MSRA: variants seen among roughly 807,000 people sequenced by gnomAD.
MSRA encodes mitochondrial peptide methionine sulfoxide reductase.
In MSRA, 54 loss-of-function variants were observed where a neutral mutation model predicts 31.3. The observed-to-expected ratio is 1.73, with a 90% confidence interval of 1.39 to 2.17. The LOEUF is 2.17. Among genes scored for constraint, MSRA ranks in the 30% most tolerant of loss-of-function variants. The probability of loss-of-function intolerance (pLI) is 0.00; values close to 1 mark genes in which losing one functional copy is unlikely to be tolerated. For missense variants in MSRA, 507 were observed against 300.9 expected (o/e 1.69, Z -5.07); for synonymous variants, 169 against 116.5 (o/e 1.45, Z -2.90).
At chr8:10,189,994 T>A (rs1195028964) in intron 1 of MSRA, among the ~76,000 whole-genome samples, 1 of 152,238 alleles carries the variant, frequency 6.6e-6, no homozygotes, top group Non-Finnish European at 1.5e-5. Context: ...TATTTTTTGG[T>A]GATTTGTATC....
At chr8:10,295,535 G>A (rs991134806) in intron 3 of MSRA, among the ~76,000 whole-genome samples, 2 of 152,176 alleles carry the variant, frequency 1.3e-5, no homozygotes, top group South Asian at 4.1e-4. Flanking sequence ...AGCTGCTCTT[G>A]GTTCTGACGG....
chr8:10,083,374 C>T (rs915892197), intron 1 of MSRA, among the ~76,000 whole-genome samples: 1 of 152,078 alleles, frequency 6.6e-6, no homozygotes, highest in Non-Finnish European at 1.5e-5. Flanking sequence ...GACACATTTC[C>T]CTGTATTTTA....
intron 5 of MSRA, among the ~76,000 whole-genome samples, chr8:10,379,433 G>A (rs780059452): frequency 6.6e-6 from 1 of 152,204 alleles, no homozygotes; most frequent in Non-Finnish European, 1.5e-5. Flanking sequence ...CGCAGGTGGC[G>A]TCAGCAGAGG....
intron 1 of MSRA, among the ~76,000 whole-genome samples, chr8:10,206,016 T>A (rs1488277751): frequency 6.6e-6 from 1 of 152,280 alleles, no homozygotes; most frequent in Non-Finnish European, 1.5e-5. Context: ...AATACTTTCA[T>A]AGATATTATG....
chr8:10,274,080 G>C (rs962771537), intron 3 of MSRA, among the ~76,000 whole-genome samples: 1 of 152,158 alleles, frequency 6.6e-6, no homozygotes, highest in Non-Finnish European at 1.5e-5. Context: ...ACAGGGGTTA[G>C]CATCAAGGCA....
chr8:10,397,004 A>G (rs1028590825), intron 5 of MSRA, among the ~76,000 whole-genome samples: 4 of 152,212 alleles, frequency 2.6e-5, no homozygotes, highest in Admixed American at 6.5e-5. Context: ...TTTTTACTCC[A>G]GGAACCTGGA....
At chr8:10,414,267 C>T (rs1404667330) in intron 5 of MSRA, among the ~76,000 whole-genome samples, 2 of 152,204 alleles carry the variant, frequency 1.3e-5, no homozygotes, top group African/African-American at 4.8e-5. Flanking sequence ...CTCTGGAAGA[C>T]ACAGTCCCAA....
intron 3 of MSRA, among the ~76,000 whole-genome samples, chr8:10,245,501 C>G (rs1228696902): frequency 1.3e-5 from 2 of 152,202 alleles, no homozygotes; most frequent in African/African-American, 4.8e-5. Context: ...TTCTGATGAT[C>G]AGCAGTTGAG....
At chr8:10,345,417 A>G (rs770569308) in intron 5 of MSRA, among the ~76,000 whole-genome samples, 3 of 152,174 alleles carry the variant, frequency 2.0e-5, no homozygotes, top group East Asian at 1.9e-4. Context: ...TAGGATTCAC[A>G]TTCCTCATGA....
chr8:10,312,591 G>C (rs1163945147), intron 4 of MSRA, among the ~76,000 whole-genome samples: 1 of 152,156 alleles, frequency 6.6e-6, no homozygotes, highest in Non-Finnish European at 1.5e-5. Context: ...ACTTAACTAT[G>C]TAAGAAAAGA....
intron 2 of MSRA, among the ~76,000 whole-genome samples, chr8:10,230,537 A>G (rs1214148714): frequency 6.6e-6 from 1 of 152,200 alleles, no homozygotes; most frequent in Non-Finnish European, 1.5e-5. Context: ...AAATATATGA[A>G]AATACAAAAG....
chr8:10,202,594 A>T (rs1231131198), intron 1 of MSRA, among the ~76,000 whole-genome samples: 4 of 152,218 alleles, frequency 2.6e-5, no homozygotes, highest in Non-Finnish European at 5.9e-5. Flanking sequence ...GGGCACATTC[A>T]GGGATCAAGA....
At chr8:10,170,760 C>G (rs372737356) in intron 1 of MSRA, among the ~76,000 whole-genome samples, 8 of 152,098 alleles carry the variant, frequency 5.3e-5, no homozygotes, top group Non-Finnish European at 1.2e-4. Flanking sequence ...TGGAACCAAC[C>G]CCTTGCAGGA....
At chr8:10,179,444 T>C (rs997007214) in intron 1 of MSRA, among the ~76,000 whole-genome samples, 1 of 152,228 alleles carries the variant, frequency 6.6e-6, no homozygotes, top group Non-Finnish European at 1.5e-5. Flanking sequence ...TTTATAATTA[T>C]AATGCATATT....
chr8:10,087,424 G>T (rs760716670), intron 1 of MSRA, among the ~76,000 whole-genome samples: 2 of 152,194 alleles, frequency 1.3e-5, no homozygotes, highest in East Asian at 1.9e-4. Flanking sequence ...CTGGCAAGTA[G>T]TGGTTGTTCA....
chr8:10,345,644 T>C (rs1410071635), intron 5 of MSRA, among the ~76,000 whole-genome samples: 13 of 152,240 alleles, frequency 8.5e-5, no homozygotes. Context: ...TTCCAAAAAC[T>C]TATGAGATGC....
At chr8:10,304,553 T>C (rs1801021823) in intron 4 of MSRA, among the ~76,000 whole-genome samples, 1 of 152,212 alleles carries the variant, frequency 6.6e-6, no homozygotes, top group Non-Finnish European at 1.5e-5. Flanking sequence ...CAGTGACACA[T>C]GTCAAGTGTC....
intron 1 of MSRA, among the ~76,000 whole-genome samples, chr8:10,150,456 G>A (rs1031525465): frequency 1.3e-5 from 2 of 151,956 alleles, no homozygotes; most frequent in South Asian, 2.1e-4. Flanking sequence ...CATCATCCCC[G>A]AACAAATTAC....
chr8:10,396,928 C>A (rs183253597), intron 5 of MSRA, among the ~76,000 whole-genome samples: 1 of 152,178 alleles, frequency 6.6e-6, no homozygotes, highest in Non-Finnish European at 1.5e-5. Context: ...TCTTGGGTGC[C>A]GATGCCATCA....
Sources: gnomAD v4.1 joint callset for allele counts (sites outside exome capture counted in the v4.1 genomes callset) on GRCh38, gnomAD v4.1.1 for gene constraint, MANE v1.5 for transcripts, NCBI Gene and HGNC (gene_info 2026-07-23, HGNC 2026-07-21) for gene names.